Variants in ZCWPW2 observed in about 807,000 individuals in gnomAD.
ZCWPW2 encodes zinc finger CW-type PWWP domain protein 2.
A neutral mutation model predicts 46.6 loss-of-function variants in ZCWPW2; 45 were observed. The observed-to-expected ratio is 0.96, with a 90% CI of 0.76 to 1.24. The LOEUF (loss-of-function observed/expected upper bound fraction) is 1.24. Ranked by LOEUF, ZCWPW2 falls within the 50% of genes most tolerant of loss-of-function variation. The pLI, the probability that ZCWPW2 is intolerant of heterozygous loss-of-function variation, is 0.00. For missense variants in ZCWPW2, 429 were observed against 403.9 expected, an observed-to-expected ratio of 1.06 and a Z score of -0.53; for synonymous variants, 152 against 137.1, an observed-to-expected ratio of 1.11 and a Z score of -0.76.
chr3:28,393,521 G>C (rs536471092), intron 2 of ZCWPW2, among the ~76,000 whole-genome samples: 6 of 152,024 alleles, frequency 3.9e-5, no homozygotes, highest in African/African-American at 1.4e-4. Flanking sequence ...CCTGATGAAC[G>C]TAGACGCAAA....
At chr3:28,439,281 T>C (rs751348821) in intron 4 of ZCWPW2, among the ~76,000 whole-genome samples, 1 of 151,790 alleles carries the variant, frequency 6.6e-6, no homozygotes, top group Admixed American at 6.6e-5. Context: ...ACTGAAGAAC[T>C]TGGAGTCTGA....
At chr3:28,423,116 T>TA (rs1696860706) in intron 3 of ZCWPW2, among the ~76,000 whole-genome samples, 1 of 152,184 alleles carries the variant, frequency 6.6e-6, no homozygotes, top group Admixed American at 6.5e-5. Context: ...TCTTATCAGA[T>TA]ATATGTTTTG....
At chr3:28,416,977 C>CT (rs1227865139) in intron 3 of ZCWPW2, among the ~76,000 whole-genome samples, 2 of 146,410 alleles carry the variant, frequency 1.4e-5, no homozygotes, top group South Asian at 2.2e-4. Context: ...CTAAAATTCT[C>CT]TTTTTTTGTT....
Position 28,514,093 on chromosome 3 carries a change from G to C in ZCWPW2, c.687G>C (p.Lys229Asn), listed in dbSNP as rs1700500980. 3 of 1,503,690 alleles carry C rather than the reference G, an allele frequency of 2.0e-6. No homozygotes were observed. Among genetic ancestry groups the C allele is most frequent in the Non-Finnish European group, 2.7e-6 (3 of 1,099,438 alleles). 93.1% of individuals were successfully genotyped at this position (1,503,690 alleles called of 1,614,324 possible). ...RKQTSKNNIE[K>N]KKPKFRKRKR... is the part of the protein sequence containing the mutation. ...AGACTTCTAAAAATAATATTGAAAA[G>C]AAGAAGCCCAAATTTAGAAAAAGGA... Residue 229 changes from lysine to asparagine, a missense_variant, in exon 7 of 10, where the codon AAG (lysine) becomes AAC (asparagine). Lys to Asn is a moderately conservative substitution (Grantham distance 94). Coordinates refer to ENST00000383768, the MANE Select transcript of ZCWPW2 (RefSeq NM_001040432.4).
intron 2 of ZCWPW2, among the ~76,000 whole-genome samples, chr3:28,405,706 C>T (rs946201767): frequency 6.6e-6 from 1 of 152,018 alleles, no homozygotes; most frequent in African/African-American, 2.4e-5. Context: ...TAACTCCTGA[C>T]CGTGTGATCT....
At chr3:28,458,129 A>G (rs965593152) in intron 4 of ZCWPW2, among the ~76,000 whole-genome samples, 1 of 152,158 alleles carries the variant, frequency 6.6e-6, no homozygotes, top group African/African-American at 2.4e-5. Context: ...TAGTGAAACA[A>G]TATCGTTTTG....
chr3:28,443,244 C>A (rs1380104347), intron 4 of ZCWPW2, among the ~76,000 whole-genome samples: 1 of 152,100 alleles, frequency 6.6e-6, no homozygotes, highest in South Asian at 2.1e-4. Context: ...AATTTCTGAT[C>A]ATTTCCAGTG....
rs527871138 is a variant in ZCWPW2, at chr3:28,517,031, T to C, written c.784+1410T>C. On this transcript the variant is annotated intron_variant, in intron 8 of 9. Transcript: ENST00000383768. Reference sequence around the variant, plus strand: ...GTAGTTATTTTTAAAAAATAACTTCTTTTTTTACATCCAGAATGTAAAGTA... The same window carrying C: ...GTAGTTATTTTTAAAAAATAACTTCCTTTTTTACATCCAGAATGTAAAGTA... 3.3e-5 allele frequency among the ~76,000 whole-genome samples: 5 copies of C among 152,282 alleles called. No homozygotes were observed. In the East Asian group the frequency reaches 7.7e-4, roughly 24 times the overall value.
In ZCWPW2 at chr3:28,518,102, C is replaced by G. The variant is rs185978208; in HGVS notation, c.784+2481C>G. ...GGTGAGCCAAGGTTGTGCCACTGCA[C>G]TCCAGCCTGAGTGACAGAGTGAGAC... is the stretch of plus-strand genomic sequence containing the variant. On this transcript the variant is annotated intron_variant, in intron 8 of 9. Coordinates refer to ENST00000383768, the MANE Select transcript of ZCWPW2 (RefSeq NM_001040432.4). 8.2e-3 allele frequency among the ~76,000 whole-genome samples: 1,145 copies of G among 140,404 alleles called. 17 individuals carry two copies. The highest frequency in any genetic ancestry group is 0.029 in the African/African-American group (1,081 of 37,258). The allele number at this position is 140,404 out of a possible 152,430, so 92.1% of individuals were successfully genotyped here.
chr3:28,353,977 T>C (rs1704642826), intron 1 of ZCWPW2, among the ~76,000 whole-genome samples: 1 of 152,184 alleles, frequency 6.6e-6, no homozygotes, highest in African/African-American at 2.4e-5. Flanking sequence ...AGATATGAAT[T>C]TGTTCATTTA....
At chr3:28,429,453 A>G (rs1697154268) in intron 3 of ZCWPW2, among the ~76,000 whole-genome samples, 1 of 152,168 alleles carries the variant, frequency 6.6e-6, no homozygotes, top group African/African-American at 2.4e-5. Flanking sequence ...TATGGTTTGG[A>G]ATTGGAATTT....
In ZCWPW2 at chr3:28,435,170, T is replaced by A. The variant is rs146159029; in HGVS notation, c.393T>A (p.Asp131Glu). 221 of 1,613,590 alleles carry A rather than the reference T, an allele frequency of 1.4e-4. 1 individual carries two copies. The African/African-American group carries it at 2.5e-3, about 18-fold the overall frequency. The change falls in exon 4 of 10, where the codon GAT becomes GAA. Residue 131 changes from aspartate (D) to glutamate (E), a missense_variant. By Grantham distance (45) the Asp-to-Glu change is conservative. Transcript: ENST00000383768. ...GGAAATATGTAACTTATGACCCGGA[T>A]GGAAATGTTGAAGAGTATCACATAG... is the stretch of plus-strand genomic sequence containing the variant. The part of the protein sequence containing the change: ...FKGKYVTYDP[D>E]GNVEEYHIEF...
chr3:28,464,252 G>A (rs531856088), intron 4 of ZCWPW2, among the ~76,000 whole-genome samples: 2 of 152,212 alleles, frequency 1.3e-5, no homozygotes, highest in African/African-American at 4.8e-5. Flanking sequence ...ACAGATGGTA[G>A]CACTGGAATG....
intron 1 of ZCWPW2, among the ~76,000 whole-genome samples, chr3:28,367,737 C>T (rs972431860): frequency 3.3e-5 from 5 of 152,082 alleles, no homozygotes; most frequent in Non-Finnish European, 5.9e-5. Flanking sequence ...CTAATATTGA[C>T]AGTAGGGTGT....
At chr3:28,420,651 A>G (rs965875004) in intron 3 of ZCWPW2, among the ~76,000 whole-genome samples, 5 of 151,680 alleles carry the variant, frequency 3.3e-5, no homozygotes, top group Admixed American at 2.6e-4. Context: ...TTCAGGTACA[A>G]TTTTGATCTT....
At chr3:28,520,885 A>C in intron 8 of ZCWPW2, 107 bp from the exon 9 acceptor site, 2 of 1,320,378 alleles carry the variant, frequency 1.5e-6, no homozygotes, top group Non-Finnish European at 2.1e-6. Context: ...TTTATATTTT[A>C]CCTTGTAGCA....
chr3:28,381,849 A>G (rs901534162), intron 1 of ZCWPW2, among the ~76,000 whole-genome samples: 1 of 152,130 alleles, frequency 6.6e-6, no homozygotes, highest in African/African-American at 2.4e-5. Context: ...GTAACAAAGT[A>G]CAACAGATTG....
chr3:28,489,509 T>C (rs974194387), intron 5 of ZCWPW2, among the ~76,000 whole-genome samples: 6 of 152,016 alleles, frequency 3.9e-5, no homozygotes, highest in African/African-American at 1.4e-4. Flanking sequence ...TTTCCAACTA[T>C]GTTAAAAAGA....
intron 7 of ZCWPW2, 30 bp downstream of exon 7, chr3:28,514,152 G>A (rs1700503043): frequency 2.9e-6 from 4 of 1,366,710 alleles, no homozygotes; most frequent in Non-Finnish European, 4.0e-6. Context: ...ATAGTATTAT[G>A]ATAAAATTGA....
Sources: allele counts gnomAD v4.1 joint callset (sites outside exome capture counted in the v4.1 genomes callset), GRCh38; gene constraint gnomAD v4.1.1; transcripts MANE v1.5; gene names NCBI Gene and HGNC (gene_info 2026-07-23, HGNC 2026-07-21).